Variants in CSMD1 observed in about 807,000 individuals in gnomAD.
CSMD1 encodes CUB and sushi domain-containing protein 1.
In CSMD1, 213 loss-of-function variants were observed where a neutral mutation model predicts 417.5. The observed-to-expected ratio is 0.51, with a 90% CI of 0.46 to 0.57. The LOEUF (loss-of-function observed/expected upper bound fraction) is 0.57, where lower values mean the gene tolerates loss of function less well. Among genes scored for constraint, CSMD1 ranks in the 20% least tolerant of loss-of-function variants. CSMD1 has a pLI of 0.00. For synonymous variants in CSMD1, 2,862 were observed against 1,736.8 expected (o/e 1.65, Z -16.11); for missense variants, 6,923 against 4,529.7 (o/e 1.53, Z -15.17).
chr8:3,908,479 C>A (rs943722973), intron 5 of CSMD1, among the ~76,000 whole-genome samples: 1 of 152,172 alleles, frequency 6.6e-6, no homozygotes, highest in African/African-American at 2.4e-5. Context: ...GGCCTTTACA[C>A]ATCCAGTATC....
rs1798341682 is a variant in CSMD1, at chr8:3,223,800, A to G, written c.4413T>C (p.Tyr1471=). The change falls in exon 28 of 70, where the codon TAT becomes TAC. Residue 1471 remains tyrosine (Y), a synonymous_variant. Transcript: ENST00000635120. Reference sequence around the variant, plus strand: ...TCCAGTCACATTCCTTCCCAGGAGGATACGGCTGTGGGTAGTTGGGTGACA... The same window carrying G: ...TCCAGTCACATTCCTTCCCAGGAGGGTACGGCTGTGGGTAGTTGGGTGACA... The part of the protein sequence containing the change: ...VILSPNYPQP[Y]PPGKECDWRV... 6.2e-7 allele frequency: 1 copy of G among 1,613,762 alleles called. No individual in the cohort carries two copies. Among genetic ancestry groups the G allele is most frequent in the African/African-American group, 1.3e-5 (1 of 74,896 alleles).
At chr8:4,696,048 A>G (rs557632366) in intron 1 of CSMD1, among the ~76,000 whole-genome samples, 2 of 152,360 alleles carry the variant, frequency 1.3e-5, no homozygotes, top group East Asian at 1.9e-4. Flanking sequence ...CAGAATCTCT[A>G]TCTTATAAAC....
At chr8:3,794,029 G>T (rs1056000497) in intron 5 of CSMD1, among the ~76,000 whole-genome samples, 4 of 152,124 alleles carry the variant, frequency 2.6e-5, no homozygotes, top group Non-Finnish European at 5.9e-5. Context: ...ACAGACGAAA[G>T]ACTTGCTACT....
intron 3 of CSMD1, among the ~76,000 whole-genome samples, chr8:4,071,133 T>A (rs1375863617): frequency 6.6e-6 from 1 of 152,146 alleles, no homozygotes; most frequent in Non-Finnish European, 1.5e-5. Flanking sequence ...TTCTTTTTTT[T>A]CCAAATTTGG....
In CSMD1 at chr8:3,343,364, G is replaced by C; in HGVS notation, c.3561C>G (p.Ser1187=). 1 of 1,613,716 alleles carries C rather than the reference G, an allele frequency of 6.2e-7. No homozygotes were observed. The highest frequency in any genetic ancestry group is 8.5e-7 in the Non-Finnish European group (1 of 1,179,656). The change falls in exon 23 of 70, where the codon TCC becomes TCG. Residue 1187 remains serine, a synonymous_variant. Coordinates refer to ENST00000635120, the MANE Select transcript of CSMD1 (RefSeq NM_033225.6). ...ELLGLILNST[S]NHLWLEFNTN... The stretch of plus-strand genomic sequence containing the variant: ...TGTTGAACTCTAGCCACAGGTGATT[G>C]GATGTGCTGTTTAGGATCAGCCCCA...
intron 3 of CSMD1, among the ~76,000 whole-genome samples, chr8:4,399,679 A>G (rs1276064538): frequency 1.3e-5 from 2 of 152,134 alleles, no homozygotes; most frequent in African/African-American, 4.8e-5. Context: ...AGCTGAATTT[A>G]TTAGTACAGA....
At chr8:4,648,417 T>C (rs1012537907) in intron 1 of CSMD1, among the ~76,000 whole-genome samples, 2 of 152,042 alleles carry the variant, frequency 1.3e-5, no homozygotes, top group Admixed American at 6.5e-5. Flanking sequence ...CAGCCATGAG[T>C]CTTGGGGCTC....
chr8:4,887,135 C>G (rs1357455316), intron 1 of CSMD1, among the ~76,000 whole-genome samples: 1 of 151,936 alleles, frequency 6.6e-6, no homozygotes, highest in Admixed American at 6.6e-5. Flanking sequence ...CATCTAAGCC[C>G]AGTTTTACCT....
chr8:3,669,588 C>G (rs189382105), intron 7 of CSMD1, among the ~76,000 whole-genome samples: 64 of 152,284 alleles, frequency 4.2e-4, no homozygotes, highest in African/African-American at 1.5e-3. Flanking sequence ...GAGACTCTTC[C>G]GGACAGAAAA....
At chr8:4,164,266 A>T (rs4409415) in intron 3 of CSMD1, among the ~76,000 whole-genome samples, 1 of 151,888 alleles carries the variant, frequency 6.6e-6, no homozygotes, top group African/African-American at 2.4e-5. Flanking sequence ...ATGTTAAAAA[A>T]GATTAATTTT....
At chr8:3,223,998 G>A (rs1361975489) in intron 27 of CSMD1, 131 bp from the exon 28 acceptor site, 3 of 759,788 alleles carry the variant, frequency 3.9e-6, no homozygotes, top group Admixed American at 5.8e-5. Flanking sequence ...AAGAGATTGT[G>A]TGTTGGTTAT....
chr8:3,045,120 G>C (rs1003311657), intron 50 of CSMD1, among the ~76,000 whole-genome samples: 1 of 152,176 alleles, frequency 6.6e-6, no homozygotes, highest in African/African-American at 2.4e-5. Flanking sequence ...AGAACGACGG[G>C]AGGAAATGCT....
In CSMD1 at chr8:3,559,914, G is replaced by A. The variant is rs546678517; in HGVS notation, c.1344+15031C>T. On this transcript the variant is annotated intron_variant, in intron 10 of 69. Coordinates refer to ENST00000635120, the MANE Select transcript of CSMD1 (RefSeq NM_033225.6). Reference sequence around the variant, plus strand: ...GTTGAAGACAAAAGATATTCAAGAGGTGAAGGAATTATTGCTCAGCTGGAG... The same window carrying A: ...GTTGAAGACAAAAGATATTCAAGAGATGAAGGAATTATTGCTCAGCTGGAG... 1.2e-3 allele frequency among the ~76,000 whole-genome samples: 185 copies of A among 152,170 alleles called. 1 individual carries two copies. Among genetic ancestry groups the A allele is most frequent in the Non-Finnish European group, 2.3e-3 (155 of 68,040 alleles).
intron 1 of CSMD1, among the ~76,000 whole-genome samples, chr8:4,719,080 T>A (rs1808876821): frequency 6.6e-6 from 1 of 152,176 alleles, no homozygotes; most frequent in East Asian, 1.9e-4. Flanking sequence ...TAGAATTTTG[T>A]TTTAATGTGG....
At chr8:4,009,611 G>A (rs1347126627) in intron 4 of CSMD1, among the ~76,000 whole-genome samples, 1 of 152,116 alleles carries the variant, frequency 6.6e-6, no homozygotes, top group Non-Finnish European at 1.5e-5. Flanking sequence ...ATTGCATGGG[G>A]AAATATCCAG....
chr8:3,031,314 T>G (rs190979474), intron 50 of CSMD1, among the ~76,000 whole-genome samples: 1,587 of 57,506 alleles, frequency 0.028, 19 homozygotes, highest in Non-Finnish European at 0.038. Context: ...GGGACTGTTG[T>G]GGGGTGGGGG....
chr8:3,846,396 T>C (rs10282756), intron 5 of CSMD1, among the ~76,000 whole-genome samples: 43,540 of 151,730 alleles, frequency 0.29, 6,332 homozygotes, highest in Non-Finnish European at 0.32. Context: ...ACATGTGAAA[T>C]AGATAAACAT....
In CSMD1 at chr8:3,695,182, G is replaced by A. The variant is rs1165230002; in HGVS notation, c.1009+13232C>T. Among the ~76,000 whole-genome samples, 9 of 150,902 alleles carry A rather than the reference G, an allele frequency of 6.0e-5. No individual in the cohort carries two copies. The Admixed American group carries it at 6.0e-4, about 10-fold the overall frequency. On this transcript the variant is annotated intron_variant, in intron 7 of 69. Transcript: ENST00000635120. ...AGGGGGACATATTTCCAAGGACCTC[G>A]AAGACACTGTCTGAAAACCAGGTTT...
intron 5 of CSMD1, among the ~76,000 whole-genome samples, chr8:3,787,502 T>C (rs1279819864): frequency 6.6e-6 from 1 of 152,114 alleles, no homozygotes; most frequent in Non-Finnish European, 1.5e-5. Flanking sequence ...TGACAGCTTA[T>C]CAGAAGAACC....
Sources: gnomAD v4.1 joint callset for allele counts (sites outside exome capture counted in the v4.1 genomes callset) on GRCh38, gnomAD v4.1.1 for gene constraint, MANE v1.5 for transcripts, NCBI Gene and HGNC (gene_info 2026-07-23, HGNC 2026-07-21) for gene names.